Variants in ANK2 observed in about 807,000 individuals in gnomAD.
ANK2 encodes the protein ankyrin-2.
Under a neutral mutation model 360.5 loss-of-function variants are expected in ANK2, and 83 were observed. That is an observed-to-expected ratio of 0.23 (90% CI 0.19 to 0.28). The LOEUF (loss-of-function observed/expected upper bound fraction) is 0.28. Ranked by LOEUF, ANK2 falls within the 10% of genes least tolerant of loss-of-function variation. The pLI is 1.00. For missense variants in ANK2, 4,201 were observed against 4,795.7 expected, an observed-to-expected ratio of 0.88 and a Z score of 3.66; for synonymous variants, 1,740 against 1,759.5, an observed-to-expected ratio of 0.99 and a Z score of 0.28.
rs147560294 is a variant in ANK2 at position 112,883,252 on chromosome 4, T to G, written c.-39-21203T>G. Among the ~76,000 whole-genome samples, 1,128 of 152,014 alleles carry G rather than the reference T, an allele frequency of 7.4e-3. 11 individuals carry two copies. Among genetic ancestry groups the G allele is most frequent in the African/African-American group, 0.023 (964 of 41,454 alleles). Reference sequence around the variant, plus strand: ...TGAGGTTTTGCCATGTTGGCCAGGCTGGTCTCGAACGCCTGACCTCAAGTG... The same window carrying G: ...TGAGGTTTTGCCATGTTGGCCAGGCGGGTCTCGAACGCCTGACCTCAAGTG... On this transcript the variant is annotated intron_variant, in intron 1 of 30. Coordinates refer to the ANK2 transcript ENST00000503271.
At chr4:112,888,631 CCT>C (rs2079082162) in intron 1 of ANK2, among the ~76,000 whole-genome samples, 2 of 152,158 alleles carry the variant, frequency 1.3e-5, no homozygotes, top group East Asian at 1.9e-4. Flanking sequence ...CCACTCTCCC[CCT>C]GTCTACCCCA....
intron 1 of ANK2, among the ~76,000 whole-genome samples, chr4:113,156,792 AT>A (rs2097315666): frequency 6.8e-6 from 1 of 147,786 alleles, no homozygotes; most frequent in Non-Finnish European, 1.5e-5. Context: ...ATATATATAT[AT>A]ATATTATATA....
intron 2 of ANK2, among the ~76,000 whole-genome samples, chr4:112,919,139 T>G (rs931751318): frequency 2.0e-5 from 3 of 152,190 alleles, no homozygotes; most frequent in African/African-American, 7.2e-5. Context: ...ACTAATATTG[T>G]CTTCCAGCTT....
chr4:113,167,746 T>C (rs2097797838), intron 1 of ANK2, among the ~76,000 whole-genome samples: 1 of 152,214 alleles, frequency 6.6e-6, no homozygotes. Context: ...ATTAGAACAT[T>C]ATCAGCAACC....
chr4:113,369,823 A>T lies in ANK2; in HGVS notation c.11610+18A>T, dbSNP rs1015601749. On this transcript the variant is annotated intron_variant, in intron 43 of 45. Coordinates refer to ENST00000357077, the MANE Select transcript of ANK2 (RefSeq NM_001148.6). ...TTGAAAAGGTAAGACATTCCTCTCC[A>T]CTTTCTCGCCCACCTGTAACAAAGC... is the stretch of plus-strand genomic sequence containing the variant. 1 of 1,613,882 alleles carries T rather than the reference A, an allele frequency of 6.2e-7. No individual in the cohort carries two copies. The highest frequency in any genetic ancestry group is 8.5e-7 in the Non-Finnish European group (1 of 1,179,944).
At chr4:113,208,814 G>C (rs753666628) in intron 4 of ANK2, among the ~76,000 whole-genome samples, 1 of 151,866 alleles carries the variant, frequency 6.6e-6, no homozygotes, top group Non-Finnish European at 1.5e-5. Flanking sequence ...TTTGTTTTTG[G>C]TTTTGGTGAG....
chr4:112,924,160 G>C (rs1357021789), intron 2 of ANK2, among the ~76,000 whole-genome samples: 1 of 152,116 alleles, frequency 6.6e-6, no homozygotes, highest in Non-Finnish European at 1.5e-5. Context: ...ACGAGGTCAG[G>C]AGTTCAAGAC....
At chr4:113,155,382 G>A (rs2097248699) in intron 1 of ANK2, among the ~76,000 whole-genome samples, 1 of 152,226 alleles carries the variant, frequency 6.6e-6, no homozygotes, top group East Asian at 1.9e-4. Context: ...GGATTAGAAA[G>A]GCAGTTCTAA....
At chr4:112,859,018 T>C (rs2067174640) in intron 1 of ANK2, among the ~76,000 whole-genome samples, 1 of 152,194 alleles carries the variant, frequency 6.6e-6, no homozygotes, top group Non-Finnish European at 1.5e-5. Flanking sequence ...ATGATAGAAC[T>C]TGTTTGTGGG....
chr4:113,009,758 A>G (rs1452496269), intron 2 of ANK2, among the ~76,000 whole-genome samples: 1 of 152,176 alleles, frequency 6.6e-6, no homozygotes. Flanking sequence ...AAAGTAATGC[A>G]GAGTAACTCA....
chr4:112,928,565 T>C (rs1327137473), intron 2 of ANK2, among the ~76,000 whole-genome samples: 1 of 152,064 alleles, frequency 6.6e-6, no homozygotes, highest in African/African-American at 2.4e-5. Context: ...ATAGGGTCTA[T>C]AAAGGGGGTG....
chr4:113,377,520 A>T (rs750164755), intron 45 of ANK2, among the ~76,000 whole-genome samples: 6 of 152,204 alleles, frequency 3.9e-5, no homozygotes, highest in Non-Finnish European at 7.4e-5. Context: ...AGTTTTGACT[A>T]AGGGATCCTG....
Position 112,838,764 on chromosome 4 carries a change from G to A in ANK2, c.-40+20500G>A, listed in dbSNP as rs560400094. 9.8e-5 allele frequency among the ~76,000 whole-genome samples: 15 copies of A among 152,330 alleles called. No individual in the cohort carries two copies. The East Asian group carries it at 2.9e-3, about 29-fold the overall frequency. On this transcript the variant is annotated intron_variant, in intron 1 of 30. Transcript: ENST00000503271. ...CATGCCTGTAATCCCAGCTACTCGGGAGGCTGAGGCAGGAGAATAGCTTGA... is the reference window on the plus strand; with the variant it reads ...CATGCCTGTAATCCCAGCTACTCGGAAGGCTGAGGCAGGAGAATAGCTTGA...
intron 2 of ANK2, among the ~76,000 whole-genome samples, chr4:112,987,600 G>A (rs955762485): frequency 6.6e-6 from 1 of 151,976 alleles, no homozygotes; most frequent in East Asian, 1.9e-4. Flanking sequence ...ACCCATGAAG[G>A]TCATACCCAC....
the ANK2 span, chr4:112,798,739 G>A: frequency 1.3e-5 from 2 of 152,226 alleles, no homozygotes; most frequent in African/African-American, 2.4e-5. Flanking sequence ...GCACAAGGGT[G>A]TGGTAGTGCC....
chr4:112,944,727 T>G (rs2094447982), intron 2 of ANK2, among the ~76,000 whole-genome samples: 1 of 152,126 alleles, frequency 6.6e-6, no homozygotes, highest in African/African-American at 2.4e-5. Context: ...TTGTTTGCAA[T>G]GAAGAGAGCT....
the ANK2 span, among the ~76,000 whole-genome samples, chr4:112,799,823 CTTTTTTT>C: frequency 1.6e-5 from 2 of 125,978 alleles, no homozygotes; most frequent in African/African-American, 3.0e-5. Flanking sequence ...CAGCCCACCT[CTTTTTTT>C]TTTTTTTTTT....
Position 113,354,177 on chromosome 4 carries a change from ACACT to A in ANK2, c.5563_5566del (p.Ser1855LeufsTer138). On this transcript the variant is annotated frameshift_variant, in exon 38 of 46. Coordinates refer to ENST00000357077, the MANE Select transcript of ANK2 (RefSeq NM_001148.6). LOFTEE classifies it high-confidence loss of function. Reference sequence around the variant, plus strand: ...TATCACCATCAAGTAAAACTGAGAAACACTCACCTGTGTCACCCTCTGCAAAAAC... The same window carrying A: ...TATCACCATCAAGTAAAACTGAGAAACACCTGTGTCACCCTCTGCAAAAAC... The A allele has an allele frequency of 6.2e-7, 1 of 1,614,026 alleles. No homozygotes were observed. The highest frequency in any genetic ancestry group is 8.5e-7 in the Non-Finnish European group (1 of 1,179,940).
intron 4 of ANK2, among the ~76,000 whole-genome samples, chr4:113,202,562 TA>T: frequency 6.6e-6 from 1 of 152,372 alleles, no homozygotes; most frequent in Non-Finnish European, 1.5e-5. Flanking sequence ...TGCCTAGTAC[TA>T]TGCCTTTGGC....
Sources: allele counts gnomAD v4.1 joint callset (sites outside exome capture counted in the v4.1 genomes callset), GRCh38; gene constraint gnomAD v4.1.1; transcripts MANE v1.5; gene names NCBI Gene and HGNC (gene_info 2026-07-23, HGNC 2026-07-21).